The following SORBS2 variants were observed in gnomAD, a reference collection of about 807,000 sequenced individuals.
The protein encoded by SORBS2 is sorbin and SH3 domain-containing protein 2.
Under a neutral mutation model 97.7 loss-of-function variants are expected in SORBS2, and 46 were observed. The ratio of observed to expected loss-of-function variants is 0.47; its 90% CI spans 0.37 to 0.60. SORBS2 has a LOEUF of 0.60. Ranked by LOEUF, SORBS2 falls within the 20% of genes least tolerant of loss-of-function variation. SORBS2 has a pLI of 0.00. For synonymous variants in SORBS2, 476 were observed against 473.4 expected (o/e 1.01, Z -0.07); for missense variants, 1,316 against 1,282.3 (o/e 1.03, Z -0.40).
chr4:185,656,609 C>G, intron 1 of SORBS2: 1 of 1,548,368 alleles, frequency 6.5e-7, no homozygotes, highest in Non-Finnish European at 8.7e-7. Context: ...TGGCCCCCAA[C>G]TTCACCTGCA....
intron 1 of SORBS2, among the ~76,000 whole-genome samples, chr4:185,953,000 T>C (rs2099277919): frequency 6.6e-6 from 1 of 152,102 alleles, no homozygotes; most frequent in Admixed American, 6.5e-5. Context: ...TGGGCATTTA[T>C]TAAGTTATGT....
intron 1 of SORBS2, among the ~76,000 whole-genome samples, chr4:185,790,619 C>G (rs896253169): frequency 2.0e-5 from 3 of 152,168 alleles, no homozygotes; most frequent in Non-Finnish European, 4.4e-5. Context: ...TTTATTTGTG[C>G]AGCCATATAT....
At chr4:185,852,305 A>T (rs557199421) in intron 1 of SORBS2, among the ~76,000 whole-genome samples, 2 of 152,206 alleles carry the variant, frequency 1.3e-5, no homozygotes, top group African/African-American at 4.8e-5. Flanking sequence ...TAGCGCTTTC[A>T]GCCCATTGCT....
intron 2 of SORBS2, among the ~76,000 whole-genome samples, chr4:185,731,910 G>A (rs28752036): frequency 0.11 from 6,803 of 62,178 alleles, 329 homozygotes; most frequent in East Asian, 0.14. Flanking sequence ...ATATATATAT[G>A]TCTGTTTCTC....
Position 185,623,174 on chromosome 4 carries a change from C to T in SORBS2, c.1955G>A (p.Arg652Lys), listed in dbSNP as rs530200725. ...GATGCTGTTGTCCGGCAAGCTCCCC[C>T]TTTTCTTTTCAGCTTTAATTTGGTC... Residue 652 changes from arginine to lysine, a missense_variant, in exon 7 of 15, where the codon AGG becomes AAG. Physicochemically the swap from Arg to Lys is conservative, Grantham distance 26. Coordinates refer to ENST00000418609, the Ensembl canonical transcript of SORBS2. This position sits in a 1 kb window ranked among gnomAD's most constrained non-coding sequence, Gnocchi z 6.4. The T allele has an allele frequency of 8.1e-6, 13 of 1,614,142 alleles. No homozygotes were observed. In the African/African-American group the frequency reaches 1.1e-4, roughly 13 times the overall value.
At chr4:185,869,954 C>G (rs1351175363) in intron 1 of SORBS2, among the ~76,000 whole-genome samples, 1 of 152,110 alleles carries the variant, frequency 6.6e-6, no homozygotes, top group Non-Finnish European at 1.5e-5. Context: ...TAAGATGCAA[C>G]CGTTCTTTTA....
At chr4:185,938,217 C>A (rs184702305) in intron 1 of SORBS2, among the ~76,000 whole-genome samples, 1 of 151,832 alleles carries the variant, frequency 6.6e-6, no homozygotes, top group Non-Finnish European at 1.5e-5. Context: ...AGGCTAGTCT[C>A]GAACTTCGGA....
intron 1 of SORBS2, among the ~76,000 whole-genome samples, chr4:185,848,672 C>A (rs1373746164): frequency 8.6e-6 from 1 of 115,818 alleles, no homozygotes; most frequent in African/African-American, 3.5e-5. Flanking sequence ...GAGGCAGGGT[C>A]TCCATACATT....
At chr4:185,929,494 G>C (rs1294729993) in intron 1 of SORBS2, among the ~76,000 whole-genome samples, 1 of 150,962 alleles carries the variant, frequency 6.6e-6, no homozygotes, top group Non-Finnish European at 1.5e-5. Context: ...TTTTCATTAT[G>C]ATAGCAAAGA....
At chr4:185,646,754 C>T in exon 4 of SORBS2, 2 of 1,612,584 alleles carry the variant, frequency 1.2e-6, no homozygotes, top group Non-Finnish European at 8.5e-7. Context: ...CTTGTGTCCA[C>T]TTTTCTGTCT....
chr4:185,820,579 G>C (rs924836727), intron 1 of SORBS2, among the ~76,000 whole-genome samples: 2 of 152,222 alleles, frequency 1.3e-5, no homozygotes, highest in African/African-American at 4.8e-5. Context: ...CAGAGGGACA[G>C]GGACAGAGGC....
At chr4:185,865,081 A>G (rs1047087202) in intron 1 of SORBS2, among the ~76,000 whole-genome samples, 3 of 152,094 alleles carry the variant, frequency 2.0e-5, no homozygotes, top group African/African-American at 7.2e-5. Context: ...CCAGCTCCCA[A>G]AATGAAAGCT....
chr4:185,924,016 C>T (rs115824670), intron 1 of SORBS2, among the ~76,000 whole-genome samples: 1 of 152,196 alleles, frequency 6.6e-6, no homozygotes, highest in Non-Finnish European at 1.5e-5. Context: ...ATATCTGTCT[C>T]ATCTGTTTTG....
chr4:185,753,005 GC>G (rs926378677), intron 2 of SORBS2, among the ~76,000 whole-genome samples: 9 of 152,214 alleles, frequency 5.9e-5, no homozygotes, highest in Non-Finnish European at 1.2e-4. Context: ...CAAAGCCGCT[GC>G]TACTAAGATG....
At chr4:185,616,330 A>G (rs1484477678) in intron 9 of SORBS2, among the ~76,000 whole-genome samples, 1 of 152,256 alleles carries the variant, frequency 6.6e-6, no homozygotes, top group South Asian at 2.1e-4. Flanking sequence ...TAGAAGTGCT[A>G]AAATCTTCAC....
intron 1 of SORBS2, among the ~76,000 whole-genome samples, chr4:185,948,758 T>A (rs1473657801): frequency 1.3e-5 from 2 of 152,120 alleles, no homozygotes; most frequent in East Asian, 3.9e-4. Flanking sequence ...ACTCAGGTGA[T>A]CCACCCGCCT....
chr4:185,611,947 G>T (rs762387453), exon 12 of SORBS2: 22 of 1,612,552 alleles, frequency 1.4e-5, no homozygotes, highest in Non-Finnish European at 1.4e-5. Flanking sequence ...TACCAGTTTT[G>T]ATCAACTCTT....
intron 12 of SORBS2, among the ~76,000 whole-genome samples, chr4:185,596,116 T>C (rs547847031): frequency 6.6e-6 from 1 of 152,326 alleles, no homozygotes; most frequent in South Asian, 2.1e-4. Flanking sequence ...GTAAAATATA[T>C]TTCATTATGC....
In SORBS2 at chr4:185,638,171, G is replaced by A; in HGVS notation, c.397-7573C>T. The A allele has an allele frequency of 6.4e-7, 1 of 1,560,894 alleles. No individual in the cohort carries two copies. The highest frequency in any genetic ancestry group is 8.8e-7 in the Non-Finnish European group (1 of 1,134,066). Reference sequence around the variant, plus strand: ...GGATTTATGCGATCAGTCTAGAGCAGATGTGAAGGAAAAGGGAAGGAAAAG... The same window carrying A: ...GGATTTATGCGATCAGTCTAGAGCAAATGTGAAGGAAAAGGGAAGGAAAAG... On this transcript the variant is annotated intron_variant, in intron 4 of 14. Transcript: ENST00000418609.
Sources: allele counts gnomAD v4.1 joint callset (sites outside exome capture counted in the v4.1 genomes callset), GRCh38; gene constraint gnomAD v4.1.1; non-coding constraint Gnocchi (gnomAD v3.1); transcripts MANE v1.5; gene names NCBI Gene and HGNC (gene_info 2026-07-23, HGNC 2026-07-21).